EML4: variants seen among roughly 807,000 people sequenced by gnomAD.
EML4 encodes the protein echinoderm microtubule-associated protein-like 4.
EML4 carries 72 observed loss-of-function variants against 129.0 expected under a neutral mutation model. The ratio of observed to expected loss-of-function variants is 0.56; its 90% CI spans 0.46 to 0.68. The LOEUF is 0.68. Ranked by LOEUF, EML4 falls within the 30% of genes least tolerant of loss-of-function variation. The probability of loss-of-function intolerance (pLI) is 0.00; values close to 1 mark genes in which losing one functional copy is unlikely to be tolerated. For missense variants in EML4, 1,363 were observed against 1,190.6 expected, an observed-to-expected ratio of 1.14 and a Z score of -2.13; for synonymous variants, 532 against 405.0, an observed-to-expected ratio of 1.31 and a Z score of -3.77.
intron 2 of EML4, among the ~76,000 whole-genome samples, chr2:42,255,154 C>A (rs1027995025): frequency 1.3e-5 from 2 of 151,926 alleles, no homozygotes; most frequent in Non-Finnish European, 2.9e-5. Flanking sequence ...GGTGCGATCC[C>A]CACTAACTGC....
At chr2:42,286,838 G>A (rs1409365222) in intron 10 of EML4, among the ~76,000 whole-genome samples, 2 of 152,168 alleles carry the variant, frequency 1.3e-5, no homozygotes, top group African/African-American at 4.8e-5. Flanking sequence ...TCAGACCTTT[G>A]TATTTCCTGA....
At chr2:42,171,020 C>T (rs1005873136) in intron 1 of EML4, among the ~76,000 whole-genome samples, 3 of 152,122 alleles carry the variant, frequency 2.0e-5, no homozygotes, top group African/African-American at 7.2e-5. Context: ...AGTGGAAATC[C>T]TAAAATAGGA....
intron 10 of EML4, among the ~76,000 whole-genome samples, chr2:42,287,099 A>T (rs980176258): frequency 1.4e-4 from 22 of 152,196 alleles, no homozygotes; most frequent in Non-Finnish European, 1.8e-4. Context: ...ATGTGACCTC[A>T]GTTATATATT....
chr2:42,261,065 G>C, intron 3 of EML4, 56 bp from the exon 4 acceptor site: 19 of 1,335,102 alleles, frequency 1.4e-5, no homozygotes, highest in Non-Finnish European at 1.7e-5. Flanking sequence ...TCTATCGTTT[G>C]ATTTTTTTTC....
At chr2:42,258,956 T>C (rs1665533476) in intron 3 of EML4, among the ~76,000 whole-genome samples, 3 of 152,124 alleles carry the variant, frequency 2.0e-5, no homozygotes, top group African/African-American at 4.8e-5. Flanking sequence ...AAGAAAGACA[T>C]GTAAATGGGA....
chr2:42,277,573 T>TA (rs1666726289), intron 6 of EML4, among the ~76,000 whole-genome samples: 1 of 150,502 alleles, frequency 6.6e-6, no homozygotes, highest in African/African-American at 2.4e-5. Context: ...GCACAACCTT[T>TA]TTTTTTTTTT....
chr2:42,223,875 C>T (rs1442579555), intron 1 of EML4, among the ~76,000 whole-genome samples: 1 of 152,082 alleles, frequency 6.6e-6, no homozygotes, highest in African/African-American at 2.4e-5. Flanking sequence ...CATTTGTGCC[C>T]TCATGTAGGT....
chr2:42,169,901 C>G, intron 1 of EML4: 1 of 396,608 alleles, frequency 2.5e-6, no homozygotes, highest in Non-Finnish European at 4.5e-6. Context: ...AAGTGGGAAC[C>G]CCTTCCTTCT....
At chr2:42,298,398 G>A (rs1478983285) in intron 13 of EML4, among the ~76,000 whole-genome samples, 2 of 152,070 alleles carry the variant, frequency 1.3e-5, no homozygotes, top group Non-Finnish European at 2.9e-5. Flanking sequence ...AGGCAGAGTA[G>A]GTTTTTTTAA....
At chr2:42,233,658 T>C (rs1050105253) in intron 1 of EML4, among the ~76,000 whole-genome samples, 4 of 152,264 alleles carry the variant, frequency 2.6e-5, no homozygotes, top group African/African-American at 4.8e-5. Flanking sequence ...TTCAAACAAC[T>C]TGGAAACTTA....
rs560093757 is a variant in EML4, at chr2:42,233,766, A to G, written c.26-11739A>G. ...CTTAATATTTTGGTTTTAAAAATCAATGAAAAGTGATAATTCCTTTAGTTT... is the reference window on the plus strand; with the variant it reads ...CTTAATATTTTGGTTTTAAAAATCAGTGAAAAGTGATAATTCCTTTAGTTT... On this transcript the variant is annotated intron_variant, in intron 1 of 22. Transcript: ENST00000318522. 1.4e-3 allele frequency among the ~76,000 whole-genome samples: 215 copies of G among 152,364 alleles called. 2 individuals are homozygous for G. The highest frequency in any genetic ancestry group is 2.0e-3 in the Admixed American group (31 of 15,304).
At chr2:42,271,184 G>A (rs555415181) in intron 6 of EML4, among the ~76,000 whole-genome samples, 32 of 152,332 alleles carry the variant, frequency 2.1e-4, no homozygotes. Context: ...ATGAGCCACT[G>A]TGCCTGGCTA....
chr2:42,261,497 GAA>G (rs10573221), intron 4 of EML4: 94,871 of 218,522 alleles, frequency 0.43, 13,576 homozygotes, highest in East Asian at 0.56. Context: ...GTTAAAACTG[GAA>G]AAAAAAAAAA....
chr2:42,326,580 C>T (rs1558616155), intron 21 of EML4, among the ~76,000 whole-genome samples: 1 of 152,186 alleles, frequency 6.6e-6, no homozygotes, highest in Non-Finnish European at 1.5e-5. Context: ...CCATACAATT[C>T]ACCTAAAGTG....
chr2:42,312,266 C>A (rs1027516210), intron 17 of EML4, among the ~76,000 whole-genome samples: 6 of 151,208 alleles, frequency 4.0e-5, no homozygotes, highest in African/African-American at 7.3e-5. Context: ...AATTCTAAGC[C>A]CCCCCCCACC....
intron 1 of EML4, among the ~76,000 whole-genome samples, chr2:42,189,999 CT>C (rs36110068): frequency 1.0e-3 from 147 of 142,180 alleles, no homozygotes; most frequent in East Asian, 1.0e-3. Context: ...AAATTGGGCT[CT>C]TTTTTTTTTT....
At chr2:42,186,917 A>C (rs952988815) in intron 1 of EML4, among the ~76,000 whole-genome samples, 1 of 152,124 alleles carries the variant, frequency 6.6e-6, no homozygotes, top group African/African-American at 2.4e-5. Flanking sequence ...GAACATTTTC[A>C]TTACCAAAAA....
At chr2:42,268,216 A>G (rs1417365647) in intron 6 of EML4, among the ~76,000 whole-genome samples, 1 of 152,230 alleles carries the variant, frequency 6.6e-6, no homozygotes, top group Non-Finnish European at 1.5e-5. Flanking sequence ...GTGAACATGT[A>G]TAAACTTTTT....
At chr2:42,215,071 T>G (rs2104053572) in intron 1 of EML4, among the ~76,000 whole-genome samples, 1 of 152,190 alleles carries the variant, frequency 6.6e-6, no homozygotes. Flanking sequence ...ATGTAAAACT[T>G]TTTTTTGAGA....
Sources: gnomAD v4.1 joint callset for allele counts (sites outside exome capture counted in the v4.1 genomes callset) on GRCh38, gnomAD v4.1.1 for gene constraint, MANE v1.5 for transcripts, NCBI Gene and HGNC (gene_info 2026-07-23, HGNC 2026-07-21) for gene names.